FIGN: variants seen among roughly 807,000 people sequenced by gnomAD.
The protein encoded by FIGN is fidgetin.
Under a neutral mutation model 51.3 loss-of-function variants are expected in FIGN, and 11 were observed. The ratio of observed to expected loss-of-function variants is 0.21; its 90% CI spans 0.13 to 0.35. The LOEUF (loss-of-function observed/expected upper bound fraction) is 0.35. Ranked by LOEUF, FIGN falls within the 10% of genes least tolerant of loss-of-function variation. The pLI is 1.00. For missense variants in FIGN, 857 were observed against 943.6 expected (o/e 0.91, Z 1.20); for synonymous variants, 407 against 363.2 (o/e 1.12, Z -1.37).
Position 163,605,880 on chromosome 2 carries a change from T to G in FIGN, c.*3672A>C, listed in dbSNP as rs1374154321. 6.7e-6 allele frequency: 1 copy of G among 149,598 alleles called. No individual in the cohort carries two copies. The highest frequency in any genetic ancestry group is 2.5e-5 in the African/African-American group (1 of 40,574). 9.3% of individuals were successfully genotyped at this position (149,598 alleles called of 1,614,324 possible). ...TATATTTAAATTTACAAAGACCTAT[T>G]ATAGGAACTAATTTGGATTTTTTTT... is the stretch of plus-strand genomic sequence containing the variant. On this transcript the variant is annotated 3_prime_UTR_variant, in exon 3 of 3. Coordinates refer to ENST00000333129, the MANE Select transcript of FIGN (RefSeq NM_018086.4).
intron 2 of FIGN, among the ~76,000 whole-genome samples, chr2:163,626,016 C>A (rs1241258824): frequency 7.9e-5 from 12 of 152,234 alleles, no homozygotes; most frequent in Admixed American, 7.2e-4. Flanking sequence ...TCCAATGCAA[C>A]CTTTCTTTCT....
chr2:163,651,244 C>T (rs1045720983), intron 2 of FIGN, among the ~76,000 whole-genome samples: 3 of 152,206 alleles, frequency 2.0e-5, no homozygotes, highest in East Asian at 1.9e-4. Flanking sequence ...ATGTGGATCA[C>T]GAGATCAGGA....
intron 2 of FIGN, among the ~76,000 whole-genome samples, 161 bp from the exon 3 acceptor site, chr2:163,611,967 A>G (rs1055079483): frequency 1.2e-4 from 18 of 152,218 alleles, no homozygotes; most frequent in African/African-American, 4.3e-4. Context: ...TCCCTATAAT[A>G]AGTACTCTTT....
chr2:163,688,317 T>C (rs1378433872), intron 2 of FIGN, among the ~76,000 whole-genome samples: 1 of 152,184 alleles, frequency 6.6e-6, no homozygotes, highest in African/African-American at 2.4e-5. Context: ...GACAATCACA[T>C]TATAAAATAG....
intron 2 of FIGN, among the ~76,000 whole-genome samples, chr2:163,648,073 T>G (rs151160404): frequency 1.6e-3 from 251 of 152,146 alleles, no homozygotes; most frequent in African/African-American, 5.5e-3. Context: ...CAGTGAAACC[T>G]TAAATGATTT....
chr2:163,688,078 C>A (rs1195484460), intron 2 of FIGN, among the ~76,000 whole-genome samples: 4 of 152,092 alleles, frequency 2.6e-5, no homozygotes, highest in African/African-American at 9.7e-5. Context: ...CAGAAAATAC[C>A]AAAGCACACA....
At chr2:163,650,943 T>G (rs1316661049) in intron 2 of FIGN, among the ~76,000 whole-genome samples, 1 of 152,158 alleles carries the variant, frequency 6.6e-6, no homozygotes, top group Non-Finnish European at 1.5e-5. Context: ...TATTGTGACT[T>G]TGTATAGGAG....
At chr2:163,633,933 C>T (rs1470786831) in intron 2 of FIGN, among the ~76,000 whole-genome samples, 1 of 152,156 alleles carries the variant, frequency 6.6e-6, no homozygotes, top group African/African-American at 2.4e-5. Flanking sequence ...TACATTCAAT[C>T]AATGAGAAAG....
At chr2:163,734,809 C>T in intron 2 of FIGN, 94 bp downstream of exon 2, 1 of 1,173,304 alleles carries the variant, frequency 8.5e-7, no homozygotes. Flanking sequence ...TCATGAGCAA[C>T]TGCTTGCCAG....
intron 2 of FIGN, among the ~76,000 whole-genome samples, chr2:163,685,114 T>C (rs1357656318): frequency 1.3e-5 from 2 of 152,134 alleles, no homozygotes; most frequent in Non-Finnish European, 2.9e-5. Flanking sequence ...GTTGGGTCCA[T>C]GATGACTAGA....
chr2:163,733,942 C>CAAAAAAAA (rs36027114), intron 2 of FIGN, among the ~76,000 whole-genome samples: 1 of 100,182 alleles, frequency 1.0e-5, no homozygotes, highest in Non-Finnish European at 2.0e-5. Flanking sequence ...TAGCAACAAC[C>CAAAAAAAA]AAAAAAAAAA....
intron 2 of FIGN, among the ~76,000 whole-genome samples, chr2:163,657,054 A>G (rs1024960800): frequency 3.3e-5 from 5 of 152,056 alleles, no homozygotes. Flanking sequence ...AACAATAAGA[A>G]ACCTGTATTT....
intron 2 of FIGN, among the ~76,000 whole-genome samples, chr2:163,714,607 A>T (rs1199610073): frequency 2.0e-5 from 3 of 152,322 alleles, no homozygotes; most frequent in Non-Finnish European, 4.4e-5. Context: ...CAAGAAACTG[A>T]TCCTAGCTAC....
intron 2 of FIGN, among the ~76,000 whole-genome samples, chr2:163,673,832 G>A (rs1438628712): frequency 6.6e-6 from 1 of 152,020 alleles, no homozygotes; most frequent in African/African-American, 2.4e-5. Flanking sequence ...TGAGGAAACA[G>A]GTTAGGCTTT....
intron 2 of FIGN, among the ~76,000 whole-genome samples, chr2:163,732,917 A>G (rs1354122776): frequency 6.6e-6 from 1 of 152,184 alleles, no homozygotes; most frequent in African/African-American, 2.4e-5. Flanking sequence ...TTAATTTGCA[A>G]CAGCAGAGCT....
chr2:163,668,970 T>C (rs116362790), intron 2 of FIGN, among the ~76,000 whole-genome samples: 2,365 of 148,712 alleles, frequency 0.016, 57 homozygotes, highest in African/African-American at 0.057. Flanking sequence ...AGACATTTAG[T>C]ATAGATTTCA....
At chr2:163,678,407 G>A (rs1051191219) in intron 2 of FIGN, among the ~76,000 whole-genome samples, 1 of 151,978 alleles carries the variant, frequency 6.6e-6, no homozygotes, top group Non-Finnish European at 1.5e-5. Flanking sequence ...TTTTAGTAGA[G>A]ACGGGTTTTC....
chr2:163,651,251 A>G (rs1314192308), intron 2 of FIGN, among the ~76,000 whole-genome samples: 1 of 152,170 alleles, frequency 6.6e-6, no homozygotes, highest in Non-Finnish European at 1.5e-5. Flanking sequence ...TCACGAGATC[A>G]GGAGATTGAG....
chr2:163,650,063 A>T (rs182840280), intron 2 of FIGN, among the ~76,000 whole-genome samples: 201 of 152,304 alleles, frequency 1.3e-3, no homozygotes, highest in Admixed American at 3.0e-3. Flanking sequence ...GCAGAAGGGA[A>T]GGAGAGAGAC....
Sources: gnomAD v4.1 joint callset for allele counts (sites outside exome capture counted in the v4.1 genomes callset) on GRCh38, gnomAD v4.1.1 for gene constraint, MANE v1.5 for transcripts, NCBI Gene and HGNC (gene_info 2026-07-23, HGNC 2026-07-21) for gene names.